The following NUMB variants were observed in gnomAD, a reference collection of about 807,000 sequenced individuals.
NUMB encodes the protein protein numb homolog.
In NUMB, 29 loss-of-function variants were observed where a neutral mutation model predicts 59.7. That is an observed-to-expected ratio of 0.49 (90% CI 0.36 to 0.66). The LOEUF is 0.66. Among genes scored for constraint, NUMB ranks in the 30% least tolerant of loss-of-function variants. The pLI is 0.00. For missense variants in NUMB, 723 were observed against 822.0 expected (o/e 0.88, Z 1.47); for synonymous variants, 288 against 288.2 (o/e 1.00, Z 0.01).
intron 1 of NUMB, among the ~76,000 whole-genome samples, chr14:73,444,873 A>G (rs1018282203): frequency 4.1e-5 from 6 of 146,712 alleles, no homozygotes; most frequent in Admixed American, 2.1e-4. Flanking sequence ...AAAAAAAAAG[A>G]AAGTAGGCAA....
chr14:73,419,041 T>G (rs1315433911), intron 1 of NUMB, among the ~76,000 whole-genome samples: 1 of 152,188 alleles, frequency 6.6e-6, no homozygotes, highest in Admixed American at 6.5e-5. Flanking sequence ...TGAATCAAAG[T>G]TAAAACTTGG....
rs1443202767 is a variant in NUMB, at chr14:73,279,375, A to G, written c.1146T>C (p.Thr382=). 3 of 1,609,376 alleles carry G rather than the reference A, an allele frequency of 1.9e-6. No homozygotes were observed. Among genetic ancestry groups the G allele is most frequent in the Non-Finnish European group, 2.5e-6 (3 of 1,177,734 alleles). Residue 382 remains threonine, a synonymous_variant, in exon 12 of 13, where the codon ACT becomes ACC. Coordinates refer to ENST00000555238, the MANE Select transcript of NUMB (RefSeq NM_001005743.2). ...CAGGCATTGCTACGGGTGCTAGAGC[A>G]GTATGGGCTGGCTTAGCAAGCACAT... is the stretch of plus-strand genomic sequence containing the variant. ...AFHVLAKPAH[T]ALAPVAMPVR...
intron 11 of NUMB, 57 bp from the exon 12 acceptor site, chr14:73,279,481 C>G: frequency 6.7e-7 from 1 of 1,486,616 alleles, no homozygotes; most frequent in Non-Finnish European, 9.0e-7. Context: ...GTACAAGTGA[C>G]CCCTTGGAGC....
chr14:73,317,297 T>TTTTGTTTG (rs58379496), intron 5 of NUMB, among the ~76,000 whole-genome samples: 17 of 151,716 alleles, frequency 1.1e-4, no homozygotes, highest in Non-Finnish European at 1.8e-4. Context: ...ATTATTTGGT[T>TTTTGTTTG]TTTGTTTGTT....
chr14:73,374,044 T>C (rs1180819575), intron 2 of NUMB, among the ~76,000 whole-genome samples: 2 of 152,126 alleles, frequency 1.3e-5, no homozygotes, highest in African/African-American at 2.4e-5. Flanking sequence ...AATTTTTGTA[T>C]TTTTAGTAGA....
At chr14:73,407,915 T>C (rs934171134) in intron 2 of NUMB, among the ~76,000 whole-genome samples, 4 of 152,196 alleles carry the variant, frequency 2.6e-5, no homozygotes, top group Non-Finnish European at 4.4e-5. Context: ...CTCTGTAACT[T>C]TGCAGTTTTC....
intron 12 of NUMB, among the ~76,000 whole-genome samples, chr14:73,277,910 T>C (rs1022719127): frequency 6.6e-6 from 1 of 151,638 alleles, no homozygotes; most frequent in Non-Finnish European, 1.5e-5. Context: ...ATACAAAAAT[T>C]AGCTGGGCGT....
chr14:73,323,195 G>C lies in NUMB; in HGVS notation c.136C>G (p.His46Asp). 6.2e-7 allele frequency: 1 copy of C among 1,611,014 alleles called. No homozygotes were observed. Among genetic ancestry groups the C allele is most frequent in the Non-Finnish European group, 8.5e-7 (1 of 1,177,396 alleles). The change falls in exon 5 of 13, where the codon CAT (histidine) becomes GAT (aspartate). Residue 46 changes from histidine to aspartate, a missense_variant. Coordinates refer to ENST00000555238, the MANE Select transcript of NUMB (RefSeq NM_001005743.2). ...CCTCTTGATTCATCAACTTCTACATGGCCAAGGTACTGTAGAAAGAAGGAA... is the reference window on the plus strand; with the variant it reads ...CCTCTTGATTCATCAACTTCTACATCGCCAAGGTACTGTAGAAAGAAGGAA... ...KCSFPVKYLG[H>D]VEVDESRGMH...
chr14:73,370,487 T>A (rs1371732672), intron 2 of NUMB, among the ~76,000 whole-genome samples: 3 of 151,876 alleles, frequency 2.0e-5, no homozygotes, highest in Non-Finnish European at 4.4e-5. Context: ...AGGTCGGGAG[T>A]TCGAGACCAG....
At chr14:73,390,191 T>G (rs555844509) in intron 2 of NUMB, among the ~76,000 whole-genome samples, 85 of 152,184 alleles carry the variant, frequency 5.6e-4, no homozygotes, top group Non-Finnish European at 7.4e-4. Flanking sequence ...ATTATAAGCT[T>G]AATTATCAAA....
At chr14:73,433,736 A>G (rs999868911) in intron 1 of NUMB, among the ~76,000 whole-genome samples, 1 of 152,200 alleles carries the variant, frequency 6.6e-6, no homozygotes, top group African/African-American at 2.4e-5. Context: ...CCCCTGAAAT[A>G]TATGACAGGA....
chr14:73,356,014 C>T (rs1024248730), intron 3 of NUMB, among the ~76,000 whole-genome samples: 4 of 136,874 alleles, frequency 2.9e-5, no homozygotes, highest in African/African-American at 1.2e-4. Flanking sequence ...CAATACTAGT[C>T]CTTGTAAGAA....
At chr14:73,447,324 T>TA (rs1262624190) in intron 1 of NUMB, among the ~76,000 whole-genome samples, 2 of 145,766 alleles carry the variant, frequency 1.4e-5, no homozygotes, top group African/African-American at 2.5e-5. Flanking sequence ...CCGTCTCTAC[T>TA]AAAAATACAA....
chr14:73,387,956 C>CA (rs66701940), intron 2 of NUMB, among the ~76,000 whole-genome samples: 28,473 of 94,104 alleles, frequency 0.3, 3,839 homozygotes, highest in Non-Finnish European at 0.34. Flanking sequence ...CTGTCTCTAC[C>CA]AAAAAAAAAA....
chr14:73,438,387 T>C (rs1296572588), intron 1 of NUMB, among the ~76,000 whole-genome samples: 1 of 152,132 alleles, frequency 6.6e-6, no homozygotes, highest in Non-Finnish European at 1.5e-5. Context: ...TCCCAGCACT[T>C]TGGGAGGCCG....
chr14:73,352,872 A>G (rs1331881070), intron 4 of NUMB, among the ~76,000 whole-genome samples: 1 of 150,838 alleles, frequency 6.6e-6, no homozygotes, highest in East Asian at 2.0e-4. Context: ...GCAAATATCT[A>G]ACTAAAGTCT....
intron 4 of NUMB, among the ~76,000 whole-genome samples, chr14:73,334,204 A>C (rs1892160403): frequency 6.6e-6 from 1 of 152,090 alleles, no homozygotes; most frequent in African/African-American, 2.4e-5. Context: ...GGTGTGAGCC[A>C]CCGCTTTAGT....
intron 1 of NUMB, among the ~76,000 whole-genome samples, chr14:73,411,729 G>C (rs1250139278): frequency 6.6e-6 from 1 of 152,000 alleles, no homozygotes; most frequent in South Asian, 2.1e-4. Flanking sequence ...TATTTTTACA[G>C]AAATTAAAGT....
chr14:73,405,911 A>C (rs1016460908), intron 2 of NUMB, among the ~76,000 whole-genome samples: 9 of 152,072 alleles, frequency 5.9e-5, no homozygotes, highest in Non-Finnish European at 5.9e-5. Context: ...AAAAACTCTG[A>C]TAACTGAGAT....
Sources: gnomAD v4.1 joint callset for allele counts (sites outside exome capture counted in the v4.1 genomes callset) on GRCh38, gnomAD v4.1.1 for gene constraint, MANE v1.5 for transcripts, NCBI Gene and HGNC (gene_info 2026-07-23, HGNC 2026-07-21) for gene names.